The following MYO9A variants were observed in gnomAD, a reference collection of about 807,000 sequenced individuals.
MYO9A encodes the protein unconventional myosin-IXa.
In MYO9A, 103 loss-of-function variants were observed where a neutral mutation model predicts 293.3. The observed-to-expected ratio is 0.35, with a 90% CI of 0.30 to 0.41. MYO9A has a LOEUF of 0.41. MYO9A is among the 10% of genes least tolerant of loss of function. The pLI is 1.00. For synonymous variants in MYO9A, 1,001 were observed against 1,035.7 expected (o/e 0.97, Z 0.64); for missense variants, 2,685 against 3,033.0 (o/e 0.89, Z 2.69).
intron 11 of MYO9A, among the ~76,000 whole-genome samples, chr15:71,981,634 C>T (rs185235141): frequency 1.1e-3 from 157 of 141,572 alleles, no homozygotes; most frequent in African/African-American, 3.9e-3. Context: ...ATCCCTCTCT[C>T]TGTCTTGTCT....
chr15:72,086,674 A>AG (rs1283989844), intron 1 of MYO9A, among the ~76,000 whole-genome samples: 1 of 137,158 alleles, frequency 7.3e-6, no homozygotes, highest in Non-Finnish European at 1.6e-5. Flanking sequence ...GTGGGCAGGG[A>AG]GGGGTTGGGG....
chr15:72,112,102 A>G (rs1045962431), intron 1 of MYO9A, among the ~76,000 whole-genome samples: 1 of 152,242 alleles, frequency 6.6e-6, no homozygotes, highest in African/African-American at 2.4e-5. Context: ...ATCTAAGGAA[A>G]AAGAATATTT....
Position 71,899,711 on chromosome 15 carries a change from C to T in MYO9A, c.3446G>A (p.Cys1149Tyr), listed in dbSNP as rs200566818. ...RKKIILLQST[C>Y]RGFRARQRFK... ...CCTTTGTCTTGCTCTGAATCCTCTACATGTTGATTGCAAAAGGATAATTTT... is the reference window on the plus strand; with the variant it reads ...CCTTTGTCTTGCTCTGAATCCTCTATATGTTGATTGCAAAAGGATAATTTT... Residue 1149 changes from cysteine (C) to tyrosine (Y), a missense_variant, in exon 24 of 42, where the codon TGT (cysteine) becomes TAT (tyrosine). Transcript: ENST00000356056. 101 of 1,613,628 alleles carry T rather than the reference C, an allele frequency of 6.3e-5. 1 individual carries two copies. The Middle Eastern group carries it at 6.1e-3, about 97-fold the overall frequency.
intron 26 of MYO9A, chr15:71,890,253 A>T (rs2057138852): frequency 1.3e-5 from 2 of 152,210 alleles, no homozygotes; most frequent in Admixed American, 6.5e-5. Context: ...AGAAATAGGA[A>T]TATAAGAAGT....
In MYO9A at chr15:71,998,190, A is replaced by G. The variant is rs141615279; in HGVS notation, c.1470+1661T>C. 1.5e-3 allele frequency among the ~76,000 whole-genome samples: 226 copies of G among 152,302 alleles called. 1 individual carries two copies. The highest frequency in any genetic ancestry group is 4.8e-3 in the African/African-American group (198 of 41,542). ...TGCAGGAATTTGGATGAAGCTGGAG[A>G]CCATTATCCATTGCAAACTAACGCA... is the stretch of plus-strand genomic sequence containing the variant. On this transcript the variant is annotated intron_variant, in intron 9 of 41. Transcript: ENST00000356056.
intron 15 of MYO9A, among the ~76,000 whole-genome samples, chr15:71,948,193 C>T (rs1431248338): frequency 6.6e-6 from 1 of 152,150 alleles, no homozygotes; most frequent in Non-Finnish European, 1.5e-5. Context: ...ATATTTTAAA[C>T]CACCAAAATA....
intron 39 of MYO9A, among the ~76,000 whole-genome samples, chr15:71,830,553 T>G (rs1260691788): frequency 6.6e-6 from 1 of 152,374 alleles, no homozygotes; most frequent in Non-Finnish European, 1.5e-5. Context: ...GAACCCATTG[T>G]GTACTGAGAT....
intron 11 of MYO9A, among the ~76,000 whole-genome samples, chr15:71,983,774 CGCCCAGCCTAAATA>C (rs903679693): frequency 2.0e-5 from 3 of 152,128 alleles, no homozygotes; most frequent in Non-Finnish European, 2.9e-5. Flanking sequence ...TGAGCCACCA[CGCCCAGCCTAAATA>C]GTTCTATTTA....
intron 6 of MYO9A, among the ~76,000 whole-genome samples, chr15:72,016,693 A>T (rs750730973): frequency 5.3e-5 from 8 of 152,244 alleles, no homozygotes; most frequent in Non-Finnish European, 1.0e-4. Flanking sequence ...TAAGAAAAAC[A>T]ATCAGAAATT....
At chr15:72,028,221 AT>A (rs1171002374) in intron 3 of MYO9A, among the ~76,000 whole-genome samples, 13 of 136,782 alleles carry the variant, frequency 9.5e-5, no homozygotes, top group African/African-American at 3.9e-4. Context: ...ATAAATAAAT[AT>A]ATATATATAT....
intron 2 of MYO9A, among the ~76,000 whole-genome samples, chr15:72,034,496 A>G (rs1304421040): frequency 1.3e-5 from 2 of 152,244 alleles, no homozygotes; most frequent in East Asian, 3.8e-4. Flanking sequence ...GTCATGGAAA[A>G]GAGCCCAGGC....
chr15:72,074,079 A>G (rs2079273209), intron 1 of MYO9A, among the ~76,000 whole-genome samples: 2 of 152,182 alleles, frequency 1.3e-5, no homozygotes, highest in African/African-American at 4.8e-5. Context: ...ACCTGCCTTT[A>G]CACATAAAAA....
Position 72,069,908 on chromosome 15 carries a change from A to T in MYO9A, c.-71-23274T>A, listed in dbSNP as rs148136112. ...TGAGGTGGGTGGACTGCCTGAACTC[A>T]GGAGTTCGCAACCAGCCTAGGCAAC... On this transcript the variant is annotated intron_variant, in intron 1 of 41. Coordinates refer to ENST00000356056, the MANE Select transcript of MYO9A (RefSeq NM_006901.4). Among the ~76,000 whole-genome samples, 248 of 151,496 alleles carry T rather than the reference A, an allele frequency of 1.6e-3. 3 individuals are homozygous for T. The highest frequency in any genetic ancestry group is 5.4e-3 in the African/African-American group (224 of 41,272).
At chr15:71,882,601 G>A (rs1054998605) in intron 28 of MYO9A, among the ~76,000 whole-genome samples, 1 of 151,936 alleles carries the variant, frequency 6.6e-6, no homozygotes, top group Admixed American at 6.6e-5. Context: ...ACACCACTCC[G>A]GCCTAAGCAA....
chr15:71,944,327 A>C (rs1027983462), intron 15 of MYO9A, among the ~76,000 whole-genome samples: 3 of 152,162 alleles, frequency 2.0e-5, no homozygotes, highest in African/African-American at 7.2e-5. Flanking sequence ...GCAGTTAAGA[A>C]AAGTAGTTTT....
chr15:71,945,199 TCAGCCAAGGCTG>T (rs986498180), intron 15 of MYO9A, among the ~76,000 whole-genome samples: 2 of 152,154 alleles, frequency 1.3e-5, no homozygotes, highest in Non-Finnish European at 2.9e-5. Context: ...ATTCAAGCTA[TCAGCCAAGGCTG>T]CAGTCATCTC....
intron 19 of MYO9A, among the ~76,000 whole-genome samples, chr15:71,913,065 T>C (rs2057908544): frequency 6.6e-6 from 1 of 152,130 alleles, no homozygotes; most frequent in African/African-American, 2.4e-5. Flanking sequence ...TCTTCAAATA[T>C]ATTTTTCTGT....
At chr15:72,080,878 G>A (rs189345864) in intron 1 of MYO9A, among the ~76,000 whole-genome samples, 46 of 152,076 alleles carry the variant, frequency 3.0e-4, no homozygotes, top group African/African-American at 1.1e-3. Flanking sequence ...CCATGTTCCT[G>A]CAAAGAAAAT....
chr15:71,907,228 A>G (rs2057689500), intron 19 of MYO9A, among the ~76,000 whole-genome samples: 1 of 151,300 alleles, frequency 6.6e-6, no homozygotes, highest in Non-Finnish European at 1.5e-5. Flanking sequence ...TTTACTGAGA[A>G]TGATGATTTC....
Sources: allele counts gnomAD v4.1 joint callset (sites outside exome capture counted in the v4.1 genomes callset), GRCh38; gene constraint gnomAD v4.1.1; transcripts MANE v1.5; gene names NCBI Gene and HGNC (gene_info 2026-07-23, HGNC 2026-07-21).